PGM5: variants seen among roughly 807,000 people sequenced by gnomAD.
The protein encoded by PGM5 is phosphoglucomutase 5.
Under a neutral mutation model 59.2 loss-of-function variants are expected in PGM5, and 23 were observed. The ratio of observed to expected loss-of-function variants is 0.39; its 90% CI spans 0.28 to 0.55. PGM5 has a LOEUF of 0.55. Ranked by LOEUF, PGM5 falls within the 20% of genes least tolerant of loss-of-function variation. The pLI, the probability that PGM5 is intolerant of heterozygous loss-of-function variation, is 0.66. For synonymous variants in PGM5, 214 were observed against 286.0 expected, an observed-to-expected ratio of 0.75 and a Z score of 2.54; for missense variants, 574 against 748.3, an observed-to-expected ratio of 0.77 and a Z score of 2.72.
chr9:68,476,119 C>T (rs1351060845), intron 7 of PGM5, among the ~76,000 whole-genome samples: 9 of 152,142 alleles, frequency 5.9e-5, no homozygotes, highest in Non-Finnish European at 1.0e-4. Context: ...ATAGCTGGGT[C>T]GAAAGCTGCA....
intron 7 of PGM5, among the ~76,000 whole-genome samples, chr9:68,468,201 A>AC (rs11388801): frequency 0.099 from 15,108 of 152,058 alleles, 1,476 homozygotes; most frequent in African/African-American, 0.26. Context: ...CCTCAAGAAG[A>AC]CCCGGTGTCT....
intron 7 of PGM5, among the ~76,000 whole-genome samples, chr9:68,478,160 C>T (rs1434263302): frequency 6.6e-6 from 1 of 152,164 alleles, no homozygotes; most frequent in East Asian, 1.9e-4. Context: ...TTATAACTGG[C>T]TAACAGACAG....
At chr9:68,456,233 T>G (rs1241781144) in intron 6 of PGM5, among the ~76,000 whole-genome samples, 1 of 152,120 alleles carries the variant, frequency 6.6e-6, no homozygotes, top group Admixed American at 6.5e-5. Flanking sequence ...GCTGTCTTTT[T>G]TTTTCTTTTC....
At chr9:68,462,609 C>T (rs1325334143) in intron 6 of PGM5, among the ~76,000 whole-genome samples, 1 of 152,088 alleles carries the variant, frequency 6.6e-6, no homozygotes, top group Non-Finnish European at 1.5e-5. Flanking sequence ...TGGGGAAATC[C>T]TTTTCCCTCC....
At chr9:68,466,264 C>A in intron 7 of PGM5, 18 of 883,698 alleles carry the variant, frequency 2.0e-5, no homozygotes, top group Non-Finnish European at 2.4e-5. Context: ...TTCTCCGATA[C>A]TGTGTGTTTT....
chr9:68,449,334 GC>G (rs1823660947), intron 6 of PGM5, among the ~76,000 whole-genome samples: 1 of 152,228 alleles, frequency 6.6e-6, no homozygotes, highest in Non-Finnish European at 1.5e-5. Flanking sequence ...TTAAGACTCA[GC>G]TAGCCGAAGT....
chr9:68,491,041 T>C (rs1026081388), intron 9 of PGM5, among the ~76,000 whole-genome samples: 2 of 152,242 alleles, frequency 1.3e-5, no homozygotes, highest in African/African-American at 2.4e-5. Flanking sequence ...TGAAGGTTGT[T>C]AGAGGCTGAT....
chr9:68,357,148 G>A lies in PGM5; in HGVS notation c.21G>A (p.Pro7=). 3 of 1,532,412 alleles carry A rather than the reference G, an allele frequency of 2.0e-6. No individual in the cohort carries two copies. The highest frequency in any genetic ancestry group is 1.7e-6 in the Non-Finnish European group (2 of 1,144,112). 94.9% of individuals were successfully genotyped at this position (1,532,412 alleles called of 1,614,324 possible). Residue 7 remains proline (P), a synonymous_variant, in exon 1 of 11, where the codon CCG becomes CCA. Transcript: ENST00000396396. The stretch of plus-strand genomic sequence containing the variant: ...GCGCCATGGAGGGGAGCCCCATCCC[G>A]GTGCTGACAGTGCCCACCGCGCCCT... MEGSPI[P]VLTVPTAPYE... is the part of the protein sequence containing the mutation.
At chr9:68,492,418 C>T (rs549968122) in intron 9 of PGM5, among the ~76,000 whole-genome samples, 5 of 152,250 alleles carry the variant, frequency 3.3e-5, no homozygotes, top group African/African-American at 1.2e-4. Context: ...TTTAAAAGAG[C>T]GTGTAAGGAG....
At chr9:68,490,023 G>A (rs1554687786) in intron 9 of PGM5, among the ~76,000 whole-genome samples, 1 of 152,206 alleles carries the variant, frequency 6.6e-6, no homozygotes, top group South Asian at 2.1e-4. Flanking sequence ...GACTGATTTT[G>A]AAGTCAGTTT....
At chr9:68,420,442 C>G (rs1018582900) in intron 6 of PGM5, among the ~76,000 whole-genome samples, 1 of 152,300 alleles carries the variant, frequency 6.6e-6, no homozygotes, top group Non-Finnish European at 1.5e-5. Context: ...TATTCGCTCA[C>G]AATGCATGCC....
intron 6 of PGM5, among the ~76,000 whole-genome samples, chr9:68,452,128 G>C (rs1230579892): frequency 6.6e-6 from 1 of 152,098 alleles, no homozygotes; most frequent in African/African-American, 2.4e-5. Context: ...GTGGGATTTT[G>C]ACCTAAAGGG....
intron 6 of PGM5, chr9:68,464,651 G>A (rs548503045): frequency 1.9e-5 from 3 of 155,196 alleles, no homozygotes; most frequent in Admixed American, 6.4e-5. Context: ...GTGTGCACAC[G>A]TGTGTCTAAG....
At chr9:68,425,268 C>G (rs1243870633) in intron 6 of PGM5, among the ~76,000 whole-genome samples, 1 of 152,128 alleles carries the variant, frequency 6.6e-6, no homozygotes, top group African/African-American at 2.4e-5. Flanking sequence ...GATGACATGG[C>G]AGAAGCATCC....
At chr9:68,392,724 A>G (rs555704818) in intron 6 of PGM5, among the ~76,000 whole-genome samples, 3 of 152,234 alleles carry the variant, frequency 2.0e-5, no homozygotes, top group Admixed American at 2.0e-4. Flanking sequence ...TATCTGTAAA[A>G]TGTGGATAAT....
At chr9:68,427,370 A>G (rs957510981) in intron 6 of PGM5, among the ~76,000 whole-genome samples, 10 of 152,202 alleles carry the variant, frequency 6.6e-5, no homozygotes, top group Non-Finnish European at 2.9e-5. Context: ...TTTGACAACC[A>G]TATCCTGTGT....
chr9:68,422,752 G>A (rs1242976760), intron 6 of PGM5, among the ~76,000 whole-genome samples: 1 of 152,154 alleles, frequency 6.6e-6, no homozygotes, highest in African/African-American at 2.4e-5. Flanking sequence ...TAGGTTATTG[G>A]GAAACAGGTG....
intron 6 of PGM5, among the ~76,000 whole-genome samples, chr9:68,417,068 C>T (rs113807017): frequency 2.6e-5 from 4 of 152,288 alleles, no homozygotes; most frequent in Non-Finnish European, 4.4e-5. Flanking sequence ...CTATGTTCAA[C>T]GAGTTCACCA....
intron 8 of PGM5, among the ~76,000 whole-genome samples, chr9:68,481,672 T>C (rs1056810707): frequency 3.3e-5 from 5 of 152,240 alleles, no homozygotes; most frequent in Non-Finnish European, 7.3e-5. Flanking sequence ...ATGTAGTTTA[T>C]TTTTTGTGGC....
Sources: allele counts gnomAD v4.1 joint callset (sites outside exome capture counted in the v4.1 genomes callset), GRCh38; gene constraint gnomAD v4.1.1; transcripts MANE v1.5; gene names NCBI Gene and HGNC (gene_info 2026-07-23, HGNC 2026-07-21).